The following VOPP1 variants were observed in gnomAD, a reference collection of about 807,000 sequenced individuals.
VOPP1 encodes VOPP1 WW domain binding protein, also known as WW domain binding protein VOPP1.
VOPP1 carries 8 observed loss-of-function variants against 23.5 expected under a neutral mutation model. That is an observed-to-expected ratio of 0.34 (90% CI 0.20 to 0.61). The LOEUF (loss-of-function observed/expected upper bound fraction) is 0.61. VOPP1 is among the 20% of genes least tolerant of loss of function. The pLI, the probability that VOPP1 is intolerant of heterozygous loss-of-function variation, is 0.78. For synonymous variants in VOPP1, 83 were observed against 97.3 expected, an observed-to-expected ratio of 0.85 and a Z score of 0.86; for missense variants, 174 against 238.1, an observed-to-expected ratio of 0.73 and a Z score of 1.77.
rs920789590 is a variant in VOPP1 at position 55,538,723 on chromosome 7, G to T, written c.55-17593C>A. 2.0e-6 allele frequency: 3 copies of T among 1,473,556 alleles called. No homozygotes were observed. The South Asian group carries it at 3.6e-5, about 18-fold the overall frequency. 91.3% of individuals were successfully genotyped at this position (1,473,556 alleles called of 1,614,324 possible). A position where few individuals can be genotyped will look rare whatever the true frequency, so the allele number is the denominator to read the frequency against. ...TCATCAAGAGAGGGCGGATTAAAAT[G>T]AGTCATGGCCATTCCTATAAAGGAA... On this transcript the variant is annotated intron_variant, in intron 1 of 4. Transcript: ENST00000285279.
chr7:55,486,676 A>G (rs1793170308), intron 4 of VOPP1, among the ~76,000 whole-genome samples: 1 of 152,244 alleles, frequency 6.6e-6, no homozygotes, highest in Admixed American at 6.5e-5. Flanking sequence ...TCCTTCTGCC[A>G]TCAGGGATGA....
chr7:55,457,918 CCTTT>C (rs761265104), intron 4 of VOPP1, among the ~76,000 whole-genome samples: 272 of 152,130 alleles, frequency 1.8e-3, no homozygotes, highest in Non-Finnish European at 2.6e-3. Flanking sequence ...TTGACTGTTT[CCTTT>C]GTTTTGCAGA....
At chr7:55,561,863 C>T in intron 1 of VOPP1, 1 of 682,730 alleles carries the variant, frequency 1.5e-6, no homozygotes, top group Non-Finnish European at 2.7e-6. Context: ...CCCAAGTGGA[C>T]AATGAGAGTA....
intron 1 of VOPP1, chr7:55,537,651 G>A (rs1796879941): frequency 1.5e-5 from 23 of 1,510,222 alleles, no homozygotes; most frequent in African/African-American, 2.8e-5. Flanking sequence ...TCTGGCGCCC[G>A]CAGACCCTGC....
At chr7:55,546,971 G>A (rs1584096037) in intron 1 of VOPP1, among the ~76,000 whole-genome samples, 1 of 152,250 alleles carries the variant, frequency 6.6e-6, no homozygotes, top group Admixed American at 6.5e-5. Context: ...TTTCACTGAT[G>A]AGCGAGTCAG....
chr7:55,504,755 C>T (rs943087901), intron 2 of VOPP1, among the ~76,000 whole-genome samples: 4 of 152,260 alleles, frequency 2.6e-5, no homozygotes, highest in Non-Finnish European at 5.9e-5. Flanking sequence ...TTTTCCCAAG[C>T]CTTCTCTTCT....
In VOPP1 at chr7:55,517,778, A is replaced by G. The variant is rs6975991; in HGVS notation, c.113+3294T>C. On this transcript the variant is annotated intron_variant, in intron 2 of 4. Coordinates refer to ENST00000285279, the MANE Select transcript of VOPP1 (RefSeq NM_030796.5). ...CTTGAGCAAGACTGGATGGAGTAGAATATAGCTAAGCAATTTCTACTCATT... is the reference window on the plus strand; with the variant it reads ...CTTGAGCAAGACTGGATGGAGTAGAGTATAGCTAAGCAATTTCTACTCATT... Among the ~76,000 whole-genome samples, 1,313 of 152,296 alleles carry G rather than the reference A, an allele frequency of 8.6e-3. 20 individuals carry two copies. The highest frequency in any genetic ancestry group is 0.03 in the African/African-American group (1,258 of 41,556).
intron 3 of VOPP1, 59 bp downstream of exon 3, chr7:55,497,554 T>TGGGGGGGGG (rs58951420): frequency 4.1e-6 from 4 of 976,262 alleles, no homozygotes; most frequent in South Asian, 3.4e-5. Flanking sequence ...ACAACACTGA[T>TGGGGGGGGG]GGGGGGGGGG....
downstream of VOPP1, chr7:55,470,464 A>C (rs1006949297): frequency 3.5e-4 from 53 of 152,156 alleles, no homozygotes; most frequent in African/African-American, 1.1e-3. Flanking sequence ...ACATTCTCAA[A>C]TAACATCTAG....
At chr7:55,489,776 G>A (rs1793429479) in intron 4 of VOPP1, among the ~76,000 whole-genome samples, 1 of 152,162 alleles carries the variant, frequency 6.6e-6, no homozygotes, top group African/African-American at 2.4e-5. Flanking sequence ...GCCTGAGGAT[G>A]AGGGCCGGGC....
intron 2 of VOPP1, among the ~76,000 whole-genome samples, chr7:55,520,525 A>T (rs978757508): frequency 6.6e-6 from 1 of 152,200 alleles, no homozygotes; most frequent in Admixed American, 6.5e-5. Flanking sequence ...TTACAGAAAG[A>T]CTGGCAGACA....
At chr7:55,467,367 C>T (rs537564782), downstream of VOPP1, among the ~76,000 whole-genome samples, 153 of 152,334 alleles carry the variant, frequency 1.0e-3, no homozygotes, top group Admixed American at 2.8e-3. Context: ...CAGCTATTCT[C>T]GCAACAGCCA....
At chr7:55,473,306 G>A (rs972230304) in intron 4 of VOPP1, among the ~76,000 whole-genome samples, 3 of 152,226 alleles carry the variant, frequency 2.0e-5, no homozygotes, top group African/African-American at 7.2e-5. Flanking sequence ...AGGAAACTGG[G>A]CCACAGTAAG....
intron 1 of VOPP1, among the ~76,000 whole-genome samples, chr7:55,557,096 G>T (rs1797835993): frequency 6.6e-6 from 1 of 152,054 alleles, no homozygotes; most frequent in Non-Finnish European, 1.5e-5. Context: ...GGTGTTTCTG[G>T]GTGGCCTACC....
chr7:55,553,666 G>A (rs778996034), intron 1 of VOPP1: 2 of 147,470 alleles, frequency 1.4e-5, no homozygotes, highest in Non-Finnish European at 3.0e-5. Context: ...CAAACACCAC[G>A]ACTGCTTCCT....
chr7:55,479,154 T>C (rs1792503992), intron 4 of VOPP1, among the ~76,000 whole-genome samples: 2 of 152,090 alleles, frequency 1.3e-5, no homozygotes, highest in South Asian at 4.1e-4. Context: ...CATTTTCTTT[T>C]TTTTTTTTTT....
chr7:55,550,250 G>A (rs973894119), intron 1 of VOPP1, among the ~76,000 whole-genome samples: 5 of 152,238 alleles, frequency 3.3e-5, no homozygotes, highest in Admixed American at 6.5e-5. Context: ...ACTAGGTGCC[G>A]CAGTCTGGCA....
At chr7:55,540,009 G>A (rs1797047227) in intron 1 of VOPP1, among the ~76,000 whole-genome samples, 1 of 151,690 alleles carries the variant, frequency 6.6e-6, no homozygotes, top group South Asian at 2.1e-4. Flanking sequence ...CTTAGGGATG[G>A]TTTAAAATTT....
At position 55,492,271 on chromosome 7, in the gene VOPP1, G is replaced by C. The variant is rs536051328; in HGVS notation, c.328+11C>G. ...CTGTGGGGAGGAGAGACAAGGACAG[G>C]GCTGGCTGACCTGGGCCGGGATTTG... On this transcript the variant is annotated intron_variant, in intron 4 of 4. Coordinates refer to ENST00000285279, the MANE Select transcript of VOPP1 (RefSeq NM_030796.5). 1 of 1,607,686 alleles carries C rather than the reference G, an allele frequency of 6.2e-7. No homozygotes were observed. Among genetic ancestry groups the C allele is most frequent in the East Asian group, 2.2e-5 (1 of 44,608 alleles).
Sources: allele counts gnomAD v4.1 joint callset (sites outside exome capture counted in the v4.1 genomes callset), GRCh38; gene constraint gnomAD v4.1.1; transcripts MANE v1.5; gene names NCBI Gene and HGNC (gene_info 2026-07-23, HGNC 2026-07-21).